Variants in ATP8B1 observed in about 807,000 individuals in gnomAD.
The protein encoded by ATP8B1 is phospholipid-transporting ATPase IC.
In ATP8B1, 80 loss-of-function variants were observed where a neutral mutation model predicts 149.9. The ratio of observed to expected loss-of-function variants is 0.53; its 90% confidence interval spans 0.45 to 0.64. ATP8B1 has a LOEUF of 0.64. Among genes scored for constraint, ATP8B1 ranks in the 30% least tolerant of loss-of-function variants. The probability of loss-of-function intolerance (pLI) is 0.00; values close to 1 mark genes in which losing one functional copy is unlikely to be tolerated. For synonymous variants in ATP8B1, 536 were observed against 562.8 expected, an observed-to-expected ratio of 0.95 and a Z score of 0.67; for missense variants, 1,247 against 1,552.6, an observed-to-expected ratio of 0.80 and a Z score of 3.31.
intron 1 of ATP8B1, among the ~76,000 whole-genome samples, chr18:57,759,155 CAAAAAAAAAAAAAA>C (rs566728161): frequency 6.9e-4 from 73 of 106,284 alleles, no homozygotes; most frequent in Non-Finnish European, 8.5e-4. Context: ...GATTCCATCT[CAAAAAAAAAAAAAA>C]AAAAAAAAAA....
intron 1 of ATP8B1, among the ~76,000 whole-genome samples, chr18:57,775,732 C>T (rs746445342): frequency 4.6e-5 from 7 of 151,782 alleles, no homozygotes; most frequent in Non-Finnish European, 1.0e-4. Flanking sequence ...GCAACCTCCA[C>T]CTCCTGGGTT....
chr18:57,768,094 A>G (rs1375923260), intron 1 of ATP8B1, among the ~76,000 whole-genome samples: 1 of 152,208 alleles, frequency 6.6e-6, no homozygotes, highest in Non-Finnish European at 1.5e-5. Flanking sequence ...AATGAGATAT[A>G]AGGAATTCTG....
In ATP8B1 at chr18:57,662,674, T is replaced by G. The variant is rs1910547142; in HGVS notation, c.2286-59A>C. On this transcript the variant is annotated intron_variant, in intron 20 of 27. Transcript: ENST00000648908. ...AAGACCCTAAATAGGCCCTTGACTC[T>G]GAGATAACTTTGACTTAAAAAAAAT... is the stretch of plus-strand genomic sequence containing the variant. 3.8e-6 allele frequency: 6 copies of G among 1,577,378 alleles called. No individual in the cohort carries two copies. The South Asian group carries it at 6.9e-5, about 18-fold the overall frequency.
chr18:57,787,096 A>G (rs1361035885), intron 1 of ATP8B1, among the ~76,000 whole-genome samples: 2 of 152,216 alleles, frequency 1.3e-5, no homozygotes, highest in East Asian at 3.8e-4. Context: ...AATTTTGAAG[A>G]CAGGAAACTT....
intron 20 of ATP8B1, among the ~76,000 whole-genome samples, chr18:57,666,266 C>T (rs1214360324): frequency 6.6e-6 from 1 of 152,164 alleles, no homozygotes; most frequent in Admixed American, 6.5e-5. Context: ...TCTGCTGCGA[C>T]TCTGATTCAA....
At chr18:57,705,519 G>A (rs1238748622) in intron 3 of ATP8B1, among the ~76,000 whole-genome samples, 3 of 152,134 alleles carry the variant, frequency 2.0e-5, no homozygotes, top group Admixed American at 6.6e-5. Context: ...GTGCTTATTC[G>A]GACTGGGGTC....
chr18:57,705,146 T>C (rs1913326801), intron 3 of ATP8B1, among the ~76,000 whole-genome samples: 1 of 152,194 alleles, frequency 6.6e-6, no homozygotes, highest in Admixed American at 6.6e-5. Flanking sequence ...CAGCCAAGCC[T>C]CAAAATGACT....
At chr18:57,713,184 TTTCTTTCTTTCTTTCCTTCCTTCC>T (rs1913781553) in intron 2 of ATP8B1, among the ~76,000 whole-genome samples, 1 of 91,238 alleles carries the variant, frequency 1.1e-5, no homozygotes, top group African/African-American at 4.6e-5. Context: ...TCTTTCTTTC[TTTCTTTCTTTCTTTCCTTCCTTCC>T]TTCCTTCCTT....
chr18:57,672,125 C>T (rs76618971), intron 16 of ATP8B1, among the ~76,000 whole-genome samples: 23,135 of 151,992 alleles, frequency 0.15, 2,114 homozygotes, highest in Non-Finnish European at 0.21. Context: ...TTTTTATAAC[C>T]TCAGTTATTC....
chr18:57,766,709 G>A (rs1054450258), intron 1 of ATP8B1, among the ~76,000 whole-genome samples: 2 of 152,144 alleles, frequency 1.3e-5, no homozygotes, highest in Non-Finnish European at 2.9e-5. Flanking sequence ...CAGTGCTGCC[G>A]GTACAGGGAC....
intron 22 of ATP8B1, among the ~76,000 whole-genome samples, chr18:57,656,110 A>C (rs969399499): frequency 6.6e-5 from 10 of 152,056 alleles, no homozygotes; most frequent in African/African-American, 2.4e-4. Context: ...CTTATCACTT[A>C]CCAGAAGAGT....
intron 1 of ATP8B1, among the ~76,000 whole-genome samples, chr18:57,772,307 C>CA (rs2080270250): frequency 6.6e-6 from 1 of 152,048 alleles, no homozygotes; most frequent in African/African-American, 2.4e-5. Context: ...TGGAGAGAGA[C>CA]AGGAGGGATG....
At chr18:57,779,621 C>T (rs1025860421) in intron 1 of ATP8B1, among the ~76,000 whole-genome samples, 6 of 152,142 alleles carry the variant, frequency 3.9e-5, no homozygotes, top group Non-Finnish European at 5.9e-5. Context: ...AAAATAGGGG[C>T]GGGCATGGCG....
At chr18:57,710,677 G>C (rs924008800) in intron 2 of ATP8B1, among the ~76,000 whole-genome samples, 8 of 152,168 alleles carry the variant, frequency 5.3e-5, no homozygotes, top group African/African-American at 1.7e-4. Context: ...TGTTCTCGCT[G>C]AGGCTGGAGT....
chr18:57,686,122 C>T (rs1284116816), intron 13 of ATP8B1, among the ~76,000 whole-genome samples: 1 of 151,056 alleles, frequency 6.6e-6, no homozygotes, highest in Non-Finnish European at 1.5e-5. Context: ...ATTAGCCAGG[C>T]ATGGTGGTGT....
At chr18:57,726,025 G>GA (rs1341375857) in intron 2 of ATP8B1, among the ~76,000 whole-genome samples, 9 of 152,104 alleles carry the variant, frequency 5.9e-5, no homozygotes, top group South Asian at 2.1e-4. Context: ...GTCAAGAGAT[G>GA]GAGACCATCC....
At chr18:57,771,549 A>C (rs1304257026) in intron 1 of ATP8B1, among the ~76,000 whole-genome samples, 2 of 152,206 alleles carry the variant, frequency 1.3e-5, no homozygotes, top group Non-Finnish European at 2.9e-5. Flanking sequence ...ACATTTGGAC[A>C]TCTGCTCTTC....
At chr18:57,654,502 T>C (rs112672569) in intron 23 of ATP8B1, among the ~76,000 whole-genome samples, 26,880 of 151,144 alleles carry the variant, frequency 0.18, 2,697 homozygotes, top group Non-Finnish European at 0.24. Context: ...TGTATTTTGT[T>C]GAGACGGGGT....
At position 57,684,212 on chromosome 18, in the gene ATP8B1, A is replaced by T; in HGVS notation, c.1474-20T>A. 1 of 1,607,424 alleles carries T rather than the reference A, an allele frequency of 6.2e-7. No homozygotes were observed. The highest frequency in any genetic ancestry group is 8.5e-7 in the Non-Finnish European group (1 of 1,174,790). ...AACTTGCTGAAAGAAATGGAGAAAA[A>T]CAAAATATGATTTTATAAAATATTT... On this transcript the variant is annotated intron_variant, in intron 14 of 27. Coordinates refer to ENST00000648908, the MANE Select transcript of ATP8B1 (RefSeq NM_001374385.1).
Sources: allele counts gnomAD v4.1 joint callset (sites outside exome capture counted in the v4.1 genomes callset), GRCh38; gene constraint gnomAD v4.1.1; transcripts MANE v1.5; gene names NCBI Gene and HGNC (gene_info 2026-07-23, HGNC 2026-07-21).